PTK2B: variants seen among roughly 807,000 people sequenced by gnomAD.
The protein encoded by PTK2B is protein-tyrosine kinase 2-beta.
In PTK2B, 71 loss-of-function variants were observed where a neutral mutation model predicts 142.9. That is an observed-to-expected ratio of 0.50 (90% CI 0.41 to 0.61). PTK2B has a LOEUF of 0.61. Ranked by LOEUF, PTK2B falls within the 20% of genes least tolerant of loss-of-function variation. The probability of loss-of-function intolerance (pLI) is 0.00; values close to 1 mark genes in which losing one functional copy is unlikely to be tolerated. For missense variants in PTK2B, 1,105 were observed against 1,320.4 expected (o/e 0.84, Z 2.53); for synonymous variants, 519 against 503.4 (o/e 1.03, Z -0.42).
chr8:27,458,432 G>A lies in PTK2B; in HGVS notation c.2953G>A (p.Val985Met), dbSNP rs17853678. ...QMLTASHTLA[V>M]DAKNLLDAVD... ...GCTGACGGCTTCACACACCCTGGCT[G>A]TGGACGCCAAGAACCTGCTCGACGC... The change falls in exon 31 of 31, where the codon GTG becomes ATG. Residue 985 changes from valine to methionine, a missense_variant. Val to Met is a conservative substitution (Grantham distance 21, BLOSUM62 1). Transcript: ENST00000346049. The A allele has an allele frequency of 6.2e-7, 1 of 1,610,768 alleles. No individual in the cohort carries two copies. The highest frequency in any genetic ancestry group is 8.5e-7 in the Non-Finnish European group (1 of 1,178,502).
At chr8:27,421,798 A>G (rs1809772473) in intron 4 of PTK2B, among the ~76,000 whole-genome samples, 1 of 152,230 alleles carries the variant, frequency 6.6e-6, no homozygotes, top group African/African-American at 2.4e-5. Context: ...CCTGGACAGA[A>G]TGCGTATGGA....
At chr8:27,420,793 A>C in intron 4 of PTK2B, 49 bp downstream of exon 4, 2 of 1,485,284 alleles carry the variant, frequency 1.3e-6, no homozygotes, top group Non-Finnish European at 1.9e-6. Context: ...TACACCTCAA[A>C]TGCCAAGCAT....
At chr8:27,324,088 C>CA, upstream of PTK2B, among the ~76,000 whole-genome samples, 1 of 152,314 alleles carries the variant, frequency 6.6e-6, no homozygotes, top group Middle Eastern at 3.4e-3. Flanking sequence ...ACGGAGGGGA[C>CA]ACCCACTGTC....
At chr8:27,341,554 G>A (rs977697432) in intron 1 of PTK2B, among the ~76,000 whole-genome samples, 2 of 152,172 alleles carry the variant, frequency 1.3e-5, no homozygotes, top group African/African-American at 4.8e-5. Flanking sequence ...CTTCAGTGGA[G>A]GGTGTTCTGA....
intron 7 of PTK2B, 89 bp downstream of exon 7, chr8:27,430,507 A>T: frequency 6.5e-7 from 1 of 1,545,178 alleles, no homozygotes; most frequent in Non-Finnish European, 8.9e-7. Context: ...ATACTCAGAG[A>T]AGCCAGGGTA....
At chr8:27,449,288 A>T (rs1314546587) in intron 24 of PTK2B, among the ~76,000 whole-genome samples, 1 of 152,248 alleles carries the variant, frequency 6.6e-6, no homozygotes, top group Non-Finnish European at 1.5e-5. Flanking sequence ...GAATAGATTA[A>T]TGAATAAATA....
In PTK2B at chr8:27,363,248, A is replaced by G. The variant is rs1438443433; in HGVS notation, c.-37-34300A>G. On this transcript the variant is annotated intron_variant, in intron 1 of 30. Transcript: ENST00000346049. The surrounding 1 kb of genome is among the most constrained non-coding windows in gnomAD (Gnocchi z 4.3). Reference sequence around the variant, plus strand: ...GAGGGAGAGAGGGGAGCCAGAGAGGACGTCTCGTGAGAAGTGTTTGGAGGA... The same window carrying G: ...GAGGGAGAGAGGGGAGCCAGAGAGGGCGTCTCGTGAGAAGTGTTTGGAGGA... 1.3e-5 allele frequency among the ~76,000 whole-genome samples: 2 copies of G among 152,010 alleles called. No individual in the cohort carries two copies. Among genetic ancestry groups the G allele is most frequent in the Non-Finnish European group, 2.9e-5 (2 of 68,008 alleles).
At chr8:27,421,706 T>C (rs9657293) in intron 4 of PTK2B, among the ~76,000 whole-genome samples, 127,185 of 152,234 alleles carry the variant, frequency 0.84, 53,687 homozygotes, top group Middle Eastern at 0.95. Context: ...TTCAAGCTAC[T>C]AATAGGATAC....
Position 27,422,152 on chromosome 8 carries a change from G to C in PTK2B, c.472-152G>C, listed in dbSNP as rs145003569. The C allele has an allele frequency of 2.1e-5, 13 of 633,308 alleles. No individual in the cohort carries two copies. The African/African-American group carries it at 2.1e-4, about 10-fold the overall frequency. 39.2% of individuals were successfully genotyped at this position (633,308 alleles called of 1,614,324 possible). A position where few individuals can be genotyped will look rare whatever the true frequency, so the allele number is the denominator to read the frequency against. ...GGAGGCACAAGCACCCTTTCCCCTCGTGCTCTCCATCCCTGCTCCATGCTT... is the reference window on the plus strand; with the variant it reads ...GGAGGCACAAGCACCCTTTCCCCTCCTGCTCTCCATCCCTGCTCCATGCTT... On this transcript the variant is annotated intron_variant, in intron 4 of 30. Transcript: ENST00000346049.
intron 1 of PTK2B, among the ~76,000 whole-genome samples, chr8:27,374,831 ACATGCCCT>A (rs1313679477): frequency 6.6e-6 from 1 of 152,378 alleles, no homozygotes; most frequent in African/African-American, 2.4e-5. Context: ...AGCCTGGCCC[ACATGCCCT>A]TGAGAGCTGA....
intron 1 of PTK2B, among the ~76,000 whole-genome samples, chr8:27,391,025 C>T (rs181028796): frequency 3.9e-4 from 59 of 151,976 alleles, no homozygotes; most frequent in African/African-American, 1.4e-3. Flanking sequence ...TGACATCATA[C>T]GGCCTTTCTG....
chr8:27,403,769 G>C (rs113584074), intron 2 of PTK2B, among the ~76,000 whole-genome samples: 3 of 111,260 alleles, frequency 2.7e-5, no homozygotes, highest in Non-Finnish European at 6.2e-5. Flanking sequence ...TGCTGCTGCT[G>C]CTCCTCCTCC....
In PTK2B at chr8:27,439,414, G is replaced by A; in HGVS notation, c.1834+16G>A. The stretch of plus-strand genomic sequence containing the variant: ...TGGATGTTCGGTGAGTGCTGATTTG[G>A]GAGGGCATGAAAAGGTGTTCAGATT... On this transcript the variant is annotated intron_variant, in intron 20 of 30. Transcript: ENST00000346049. The A allele has an allele frequency of 6.2e-7, 1 of 1,606,994 alleles. No individual in the cohort carries two copies. Among genetic ancestry groups the A allele is most frequent in the Middle Eastern group, 1.7e-4 (1 of 6,056 alleles).
At chr8:27,437,542 G>A (rs1414781169) in intron 17 of PTK2B, 46 bp downstream of exon 17, 42 of 1,460,144 alleles carry the variant, frequency 2.9e-5, no homozygotes, top group Non-Finnish European at 4.0e-5. Flanking sequence ...CAGCATGGGG[G>A]GCATTCAGAG....
At chr8:27,360,885 G>T (rs746411910) in intron 1 of PTK2B, among the ~76,000 whole-genome samples, 3 of 152,120 alleles carry the variant, frequency 2.0e-5, no homozygotes, top group Admixed American at 1.3e-4. Flanking sequence ...AATTATTCTC[G>T]AAATAAAACG....
chr8:27,311,244 C>G, upstream of PTK2B: 1 of 1,509,094 alleles, frequency 6.6e-7, no homozygotes, highest in East Asian at 2.3e-5. Flanking sequence ...ATGGCACGAG[C>G]AGCCGGCTCG....
rs1806605739 is a variant in PTK2B, at chr8:27,375,423, C to T, written c.-37-22125C>T. Among the ~76,000 whole-genome samples, 3 of 152,164 alleles carry T rather than the reference C, an allele frequency of 2.0e-5. No homozygotes were observed. The East Asian group carries it at 5.8e-4, about 29-fold the overall frequency. On this transcript the variant is annotated intron_variant, in intron 1 of 30. Transcript: ENST00000346049. Reference sequence around the variant, plus strand: ...GTTTTCCTCTCTGGTATCACCCTTCCCAGTGGTCATCCAGTCATTTCCAAA... The same window carrying T: ...GTTTTCCTCTCTGGTATCACCCTTCTCAGTGGTCATCCAGTCATTTCCAAA...
Position 27,437,807 on chromosome 8 carries a change from C to T in PTK2B, c.1570C>T (p.Leu524Phe), listed in dbSNP as rs749924182. Residue 524 changes from leucine to phenylalanine, a missense_variant, in exon 18 of 31, where the codon CTC (leucine) becomes TTC (phenylalanine). By Grantham distance (22) the Leu-to-Phe change is conservative. Coordinates refer to ENST00000346049, the MANE Select transcript of PTK2B (RefSeq NM_173176.3). ...GCGGAACAAGAACTCCCTGAAGGTGCTCACCCTCGTGCTGTACTCACTGCA... is the reference window on the plus strand; with the variant it reads ...GCGGAACAAGAACTCCCTGAAGGTGTTCACCCTCGTGCTGTACTCACTGCA... ...LERNKNSLKVLTLVLYSLQIC... is the reference protein window; with the variant it reads ...LERNKNSLKVFTLVLYSLQIC... The T allele has an allele frequency of 6.2e-7, 1 of 1,613,522 alleles. No individual in the cohort carries two copies. The highest frequency in any genetic ancestry group is 1.1e-5 in the South Asian group (1 of 90,794).
intron 27 of PTK2B, chr8:27,451,767 TC>T: frequency 7.4e-7 from 1 of 1,343,152 alleles, no homozygotes; most frequent in Non-Finnish European, 9.5e-7. Context: ...ATCATCCCCC[TC>T]CTGCATTAGT....
Sources: allele counts gnomAD v4.1 joint callset (sites outside exome capture counted in the v4.1 genomes callset), GRCh38; gene constraint gnomAD v4.1.1; non-coding constraint Gnocchi (gnomAD v3.1); transcripts MANE v1.5; gene names NCBI Gene and HGNC (gene_info 2026-07-23, HGNC 2026-07-21).